The following SEC23A variants were observed in gnomAD, a reference collection of about 807,000 sequenced individuals.
The protein encoded by SEC23A is SEC23 homolog A, COPII component, also known as protein transport protein Sec23A.
Under a neutral mutation model 103.7 loss-of-function variants are expected in SEC23A, and 56 were observed. The ratio of observed to expected loss-of-function variants is 0.54; its 90% confidence interval spans 0.44 to 0.67. The LOEUF is 0.67. Ranked by LOEUF, SEC23A falls within the 30% of genes least tolerant of loss-of-function variation. The pLI is 0.00. For missense variants in SEC23A, 784 were observed against 936.4 expected (o/e 0.84, Z 2.12); for synonymous variants, 281 against 293.0 (o/e 0.96, Z 0.42).
chr14:39,086,126 A>T (rs1887436369), intron 6 of SEC23A, among the ~76,000 whole-genome samples: 1 of 152,074 alleles, frequency 6.6e-6, no homozygotes, highest in African/African-American at 2.4e-5. Context: ...TCTGGAGTGG[A>T]GCCGAAGAAT....
chr14:39,092,433 CAA>C (rs1478556343), intron 4 of SEC23A, 106 bp downstream of exon 4: 8 of 743,586 alleles, frequency 1.1e-5, no homozygotes, highest in Admixed American at 2.4e-5. Flanking sequence ...AATGTTCCAT[CAA>C]ATCAATGTGA....
intron 7 of SEC23A, among the ~76,000 whole-genome samples, chr14:39,080,317 AAAAAACC>A (rs1422822018): frequency 6.6e-6 from 1 of 152,248 alleles, no homozygotes; most frequent in African/African-American, 2.4e-5. Context: ...AAAGAAAAGA[AAAAAACC>A]AAGAGAATGA....
At chr14:39,102,526 T>C (rs575147828) in intron 1 of SEC23A, among the ~76,000 whole-genome samples, 2 of 152,288 alleles carry the variant, frequency 1.3e-5, no homozygotes, top group South Asian at 4.1e-4. Context: ...CCCAGTGAGA[T>C]AGGGCTGGTC....
intron 8 of SEC23A, among the ~76,000 whole-genome samples, chr14:39,074,801 A>G (rs1261018423): frequency 1.3e-5 from 2 of 152,184 alleles, no homozygotes; most frequent in Admixed American, 1.3e-4. Context: ...TGTTCTTCCT[A>G]TATAAACATA....
chr14:39,091,118 G>T, intron 5 of SEC23A: 1 of 379,284 alleles, frequency 2.6e-6, no homozygotes, highest in African/African-American at 2.2e-5. Context: ...TTTATAACAT[G>T]TTCAATAAAA....
chr14:39,090,340 T>C (rs1401007586), intron 5 of SEC23A, among the ~76,000 whole-genome samples: 2 of 152,096 alleles, frequency 1.3e-5, no homozygotes, highest in Admixed American at 6.6e-5. Context: ...AAGGTATATA[T>C]ACCAACTATC....
At position 39,032,854 on chromosome 14, in the gene SEC23A, C is replaced by A. The variant is rs1365658353; in HGVS notation, c.*385G>T. On this transcript the variant is annotated 3_prime_UTR_variant, in exon 20 of 20. Transcript: ENST00000307712. ...ATCATTACTATTGTTTTTTTGCTTTCTGGCTAAAATTAAGGAACAAGTTTT... is the reference window on the plus strand; with the variant it reads ...ATCATTACTATTGTTTTTTTGCTTTATGGCTAAAATTAAGGAACAAGTTTT... 2 of 167,660 alleles carry A rather than the reference C, an allele frequency of 1.2e-5. No individual in the cohort carries two copies. Among genetic ancestry groups the A allele is most frequent in the African/African-American group, 4.8e-5 (2 of 41,668 alleles). 10.4% of individuals were successfully genotyped at this position (167,660 alleles called of 1,614,324 possible).
chr14:39,090,151 C>T (rs1220064092), intron 5 of SEC23A, among the ~76,000 whole-genome samples: 1 of 152,102 alleles, frequency 6.6e-6, no homozygotes, highest in Non-Finnish European at 1.5e-5. Context: ...AAAATCTCTT[C>T]CTTTCTTCTT....
At chr14:39,053,695 A>G (rs1886145905) in intron 14 of SEC23A, among the ~76,000 whole-genome samples, 2 of 152,230 alleles carry the variant, frequency 1.3e-5, no homozygotes. Context: ...ATGAAAGCCT[A>G]CACCAACCAC....
intron 7 of SEC23A, among the ~76,000 whole-genome samples, chr14:39,084,396 T>C (rs983982981): frequency 1.4e-4 from 22 of 152,226 alleles, no homozygotes; most frequent in Non-Finnish European, 2.5e-4. Context: ...ACTCCACTTA[T>C]TGTATCACTG....
At chr14:39,074,651 T>C in intron 8 of SEC23A, 121 bp from the exon 9 acceptor site, 1 of 648,316 alleles carries the variant, frequency 1.5e-6, no homozygotes. Context: ...TTATGATTAG[T>C]TATTTAACTT....
chr14:39,067,975 C>T, intron 9 of SEC23A, among the ~76,000 whole-genome samples: 1 of 151,910 alleles, frequency 6.6e-6, no homozygotes, highest in South Asian at 2.1e-4. Context: ...GGCCCATTCT[C>T]ACTCTTAAAA....
chr14:39,044,428 G>T (rs1400106547), intron 16 of SEC23A, among the ~76,000 whole-genome samples: 1 of 151,902 alleles, frequency 6.6e-6, no homozygotes, highest in Non-Finnish European at 1.5e-5. Flanking sequence ...AAAAATCATT[G>T]TAACGAAATA....
Position 39,085,823 on chromosome 14 carries a change from T to C in SEC23A, c.767A>G (p.Gln256Arg). The C allele has an allele frequency of 1.9e-6, 3 of 1,614,084 alleles. No individual in the cohort carries two copies. Among genetic ancestry groups the C allele is most frequent in the Non-Finnish European group, 2.5e-6 (3 of 1,179,998 alleles). The change falls in exon 7 of 20, where the codon CAG becomes CGG. Residue 256 changes from glutamine to arginine, a missense_variant. Transcript: ENST00000307712. ...AGAGGAACGCAAAGGTCTCTTTCCC[T>C]GTGGTACAGGCCAAGGGTCTCGCTG... Reference protein sequence around the residue: ...ELQRDPWPVPQGKRPLRSSGV... With the variant: ...ELQRDPWPVPRGKRPLRSSGV...
chr14:39,085,291 T>C (rs1283015355), intron 7 of SEC23A, among the ~76,000 whole-genome samples: 2 of 152,220 alleles, frequency 1.3e-5, no homozygotes, highest in African/African-American at 4.8e-5. Flanking sequence ...TCCATCTGAC[T>C]GTTCATCTAT....
chr14:39,078,624 GA>G (rs1164024959), intron 7 of SEC23A, among the ~76,000 whole-genome samples: 1 of 152,048 alleles, frequency 6.6e-6, no homozygotes. Flanking sequence ...GAGAGATACA[GA>G]ACCAAGCACA....
At chr14:39,056,638 AT>A (rs1886262172) in intron 13 of SEC23A, among the ~76,000 whole-genome samples, 1 of 151,606 alleles carries the variant, frequency 6.6e-6, no homozygotes, top group Non-Finnish European at 1.5e-5. Context: ...ACTTTTTTGT[AT>A]TTTAGTAGAG....
chr14:39,047,498 AAAC>A (rs772955956), intron 15 of SEC23A: 41 of 810,012 alleles, frequency 5.1e-5, no homozygotes, highest in South Asian at 4.4e-4. Context: ...CTCAAAACAA[AAAC>A]AACAACAACA....
At chr14:39,055,029 C>T in intron 14 of SEC23A, 114 bp downstream of exon 14, 1 of 1,219,874 alleles carries the variant, frequency 8.2e-7, no homozygotes, top group Admixed American at 1.8e-5. Flanking sequence ...ATAGGAGTTT[C>T]TCATACAGTA....
Sources: gnomAD v4.1 joint callset for allele counts (sites outside exome capture counted in the v4.1 genomes callset) on GRCh38, gnomAD v4.1.1 for gene constraint, MANE v1.5 for transcripts, NCBI Gene and HGNC (gene_info 2026-07-23, HGNC 2026-07-21) for gene names.